Variants in GLB1L2 observed in about 807,000 individuals in gnomAD.
GLB1L2 encodes the protein galactosidase beta 1 like 2.
A neutral mutation model predicts 84.1 loss-of-function variants in GLB1L2; 68 were observed. That is an observed-to-expected ratio of 0.81 (90% confidence interval 0.67 to 0.99). The LOEUF is 0.99. Among genes scored for constraint, GLB1L2 ranks in the 50% least tolerant of loss-of-function variants. The pLI, the probability that GLB1L2 is intolerant of heterozygous loss-of-function variation, is 0.00. For synonymous variants in GLB1L2, 290 were observed against 318.0 expected (o/e 0.91, Z 0.94); for missense variants, 762 against 805.6 (o/e 0.95, Z 0.66).
intron 7 of GLB1L2, 27 bp from the exon 8 acceptor site, chr11:134,364,301 C>A: frequency 6.9e-7 from 1 of 1,449,018 alleles, no homozygotes; most frequent in Non-Finnish European, 9.6e-7. Flanking sequence ...AGTGCTTTGT[C>A]TCTCTCTCTC....
At chr11:134,350,964 A>G (rs568446794) in intron 5 of GLB1L2, among the ~76,000 whole-genome samples, 1 of 152,302 alleles carries the variant, frequency 6.6e-6, no homozygotes, top group Non-Finnish European at 1.5e-5. Context: ...TGCATTTAAG[A>G]TCATGTTGTC....
Position 134,371,752 on chromosome 11 carries a change from G to T in GLB1L2, c.1429G>T (p.Gly477Cys). Residue 477 changes from glycine (G) to cysteine (C), a missense_variant and splice_region_variant, in exon 15 of 19, where the codon GGT (glycine) becomes TGT (cysteine). Around this residue, in one of 3 missense-constraint regions of GLB1L2, gnomAD observed 603 missense variants for 611.7 expected, o/e 0.99. Transcript: ENST00000535456. Reference sequence around the variant, plus strand: ...ATCGTTAGCCCCGTGTTCCCGGCAGGGTTACACCGTGCTGAGGATCTTGGT... The same window carrying T: ...ATCGTTAGCCCCGTGTTCCCGGCAGTGTTACACCGTGCTGAGGATCTTGGT... ...TTKIAVPLIQ[G>C]YTVLRILVEN... The T allele has an allele frequency of 6.2e-7, 1 of 1,614,076 alleles. No homozygotes were observed. Among genetic ancestry groups the T allele is most frequent in the South Asian group, 1.1e-5 (1 of 91,066 alleles).
rs577667542 is a variant in GLB1L2, at chr11:134,343,494, C to T, written c.284+543C>T. 4.3e-4 allele frequency among the ~76,000 whole-genome samples: 65 copies of T among 152,290 alleles called. 1 individual carries two copies. The highest frequency in any genetic ancestry group is 1.2e-3 in the African/African-American group (50 of 41,556). ...CTGGATCTTTTCATGGGTTTTCCCC[C>T]CAAATTGCCAACTGATACTTGACGC... On this transcript the variant is annotated intron_variant, in intron 2 of 18. Coordinates refer to ENST00000535456, the MANE Select transcript of GLB1L2 (RefSeq NM_001370461.1).
At chr11:134,374,086 A>G (rs1006032907) in intron 16 of GLB1L2, 59 bp from the exon 17 acceptor site, 87 of 1,306,432 alleles carry the variant, frequency 6.7e-5, no homozygotes, top group Non-Finnish European at 9.4e-5. Context: ...ATTTTGCTTT[A>G]TTGTGCTGGT....
chr11:134,364,431 C>T (rs746137587), intron 8 of GLB1L2, 33 bp downstream of exon 8: 1 of 1,550,430 alleles, frequency 6.4e-7, no homozygotes, highest in Non-Finnish European at 8.9e-7. Flanking sequence ...TGCGGCCCGC[C>T]CTGCTCAGCG....
intron 5 of GLB1L2, among the ~76,000 whole-genome samples, chr11:134,352,272 T>G (rs930382851): frequency 1.4e-4 from 22 of 152,212 alleles, no homozygotes; most frequent in African/African-American, 4.3e-4. Context: ...GTAATCGTTT[T>G]TATTTCTGTA....
chr11:134,367,631 G>C (rs1943882987), intron 9 of GLB1L2, among the ~76,000 whole-genome samples: 1 of 152,162 alleles, frequency 6.6e-6, no homozygotes, highest in South Asian at 2.1e-4. Flanking sequence ...AATTCCCAGA[G>C]CACAGAGAAA....
In GLB1L2 at chr11:134,370,517, C is replaced by T. The variant is rs1565442884; in HGVS notation, c.1215+118C>T. On this transcript the variant is annotated intron_variant, in intron 12 of 18. Coordinates refer to ENST00000535456, the MANE Select transcript of GLB1L2 (RefSeq NM_001370461.1). This position sits in a 1 kb window ranked among gnomAD's most constrained non-coding sequence, Gnocchi z 4.7. ...GTGAGAGTCGTCGGGGCAGCAGGGC[C>T]TGGAGCCCCTCCAGACAGGGAGTGT... 6.7e-6 allele frequency: 5 copies of T among 745,804 alleles called. No individual in the cohort carries two copies. Among genetic ancestry groups the T allele is most frequent in the South Asian group, 6.3e-5 (4 of 63,356 alleles). 46.2% of individuals were successfully genotyped at this position (745,804 alleles called of 1,614,324 possible). A position where few individuals can be genotyped will look rare whatever the true frequency, so the allele number is the denominator to read the frequency against.
intron 1 of GLB1L2, among the ~76,000 whole-genome samples, chr11:134,341,713 C>T (rs935881880): frequency 2.6e-4 from 39 of 152,180 alleles, no homozygotes; most frequent in African/African-American, 7.2e-4. Context: ...CTGAGAGTGG[C>T]CCCAGACAAA....
rs1194085145 is a variant in GLB1L2 at position 134,370,314 on chromosome 11, C to T, written c.1130C>T (p.Pro377Leu). ...SISGIPLPPP[P>L]DLLPKMPYEP... ...GCAGGCATCCCTCTCCCTCCCCCAC[C>T]TGACCTTCTTCCCAAGATGCCGTAT... The change falls in exon 12 of 19, where the codon CCT becomes CTT. Residue 377 changes from proline to leucine, a missense_variant. By Grantham distance (98) the Pro-to-Leu change is moderately conservative (BLOSUM62 -3). Around this residue, in one of 3 missense-constraint regions of GLB1L2, gnomAD observed 603 missense variants for 611.7 expected, o/e 0.99. Coordinates refer to ENST00000535456, the MANE Select transcript of GLB1L2 (RefSeq NM_001370461.1). The surrounding 1 kb of genome is among the most constrained non-coding windows in gnomAD (Gnocchi z 4.7). 1 of 1,613,930 alleles carries T rather than the reference C, an allele frequency of 6.2e-7. No homozygotes were observed. The highest frequency in any genetic ancestry group is 1.1e-5 in the South Asian group (1 of 91,066).
At chr11:134,336,442 C>G (rs1460787744) in intron 1 of GLB1L2, among the ~76,000 whole-genome samples, 2 of 152,222 alleles carry the variant, frequency 1.3e-5, no homozygotes, top group Non-Finnish European at 2.9e-5. Context: ...TATTATCCCA[C>G]TTGTCCATTA....
intron 8 of GLB1L2, chr11:134,364,709 G>C (rs553352778): frequency 1.4e-4 from 45 of 331,592 alleles, no homozygotes; most frequent in Non-Finnish European, 2.1e-4. Context: ...AGGGATTGAG[G>C]GGGGAAGGAA....
Position 134,371,748 on chromosome 11 carries a change from G to T in GLB1L2, c.1429-4G>T. 6.2e-7 allele frequency: 1 copy of T among 1,613,990 alleles called. No homozygotes were observed. Among genetic ancestry groups the T allele is most frequent in the Non-Finnish European group, 8.5e-7 (1 of 1,179,974 alleles). On this transcript the variant is annotated splice_region_variant and splice_polypyrimidine_tract_variant and intron_variant, in intron 14 of 18. Transcript: ENST00000535456. The stretch of plus-strand genomic sequence containing the variant: ...AGTCATCGTTAGCCCCGTGTTCCCG[G>T]CAGGGTTACACCGTGCTGAGGATCT...
intron 5 of GLB1L2, among the ~76,000 whole-genome samples, chr11:134,351,029 GA>G (rs1357697711): frequency 2.0e-5 from 3 of 152,084 alleles, no homozygotes; most frequent in African/African-American, 7.2e-5. Context: ...TTTTTTTCTT[GA>G]CTAATTGCTC....
At chr11:134,332,312 G>T (rs542515734) in intron 1 of GLB1L2, among the ~76,000 whole-genome samples, 165 bp downstream of exon 1, 1 of 152,116 alleles carries the variant, frequency 6.6e-6, no homozygotes, top group Non-Finnish European at 1.5e-5. Flanking sequence ...CCCTGCGGCT[G>T]CAGGCACTCT....
At chr11:134,366,495 G>A (rs1169159972) in intron 8 of GLB1L2, among the ~76,000 whole-genome samples, 2 of 152,130 alleles carry the variant, frequency 1.3e-5, no homozygotes, top group African/African-American at 4.8e-5. Context: ...AGTGAGGAAG[G>A]CTCTCTCATG....
Position 134,339,476 on chromosome 11 carries a change from T to C in GLB1L2, c.87-3278T>C, listed in dbSNP as rs1943433296. On this transcript the variant is annotated intron_variant, in intron 1 of 18. Transcript: ENST00000535456. The surrounding 1 kb of genome is among the most constrained non-coding windows in gnomAD (Gnocchi z 5.7). The stretch of plus-strand genomic sequence containing the variant: ...GGTGAATCCATCCCTTTTAATAAGG[T>C]ATTGACAACTTCTCTAGTAACCTAC... Among the ~76,000 whole-genome samples, 1 of 152,134 alleles carries C rather than the reference T, an allele frequency of 6.6e-6. No homozygotes were observed. Among genetic ancestry groups the C allele is most frequent in the Non-Finnish European group, 1.5e-5 (1 of 68,028 alleles).
intron 16 of GLB1L2, 66 bp downstream of exon 16, chr11:134,373,874 G>T (rs1943989967): frequency 8.4e-7 from 1 of 1,193,202 alleles, no homozygotes; most frequent in Admixed American, 1.9e-5. Context: ...GGGCCCAGGG[G>T]TCCCTGGTGC....
intron 10 of GLB1L2, among the ~76,000 whole-genome samples, chr11:134,369,520 G>C (rs1035284305): frequency 6.8e-6 from 1 of 147,082 alleles, no homozygotes; most frequent in East Asian, 1.9e-4. Context: ...CTCCCAAAGT[G>C]CTGGGATTAC....
Sources: gnomAD v4.1 joint callset for allele counts (sites outside exome capture counted in the v4.1 genomes callset) on GRCh38, gnomAD v4.1.1 for gene constraint, gnomAD v4.1.1 regional missense constraint, Gnocchi (gnomAD v3.1) non-coding constraint, MANE v1.5 for transcripts, NCBI Gene and HGNC (gene_info 2026-07-23, HGNC 2026-07-21) for gene names.